CFAP96: variants seen among roughly 807,000 people sequenced by gnomAD.
CFAP96 encodes the protein cilia and flagella associated protein 96, also known as cilia-and flagella-associated protein 96.
the CFAP96 span, among the ~76,000 whole-genome samples, chr4:185,409,280 TA>T: frequency 6.6e-6 from 1 of 152,180 alleles, no homozygotes; most frequent in Middle Eastern, 3.2e-3. Context: ...TAAAGATAAA[TA>T]AATTACTAAT....
chr4:185,436,496 G>T, the CFAP96 span: 1 of 584,512 alleles, frequency 1.7e-6, no homozygotes. Flanking sequence ...CGGATCACGA[G>T]GTCAGGAGTT....
At chr4:185,417,558 C>T in the CFAP96 span, among the ~76,000 whole-genome samples, 1 of 152,202 alleles carries the variant, frequency 6.6e-6, no homozygotes, top group Non-Finnish European at 1.5e-5. Context: ...TTTAGTTAGG[C>T]CTCTTCTAAA....
the CFAP96 span, among the ~76,000 whole-genome samples, chr4:185,443,184 A>G: frequency 6.6e-6 from 1 of 151,338 alleles, no homozygotes; most frequent in Non-Finnish European, 1.5e-5. Flanking sequence ...AATTTTCTCA[A>G]TTCTTACATT....
At chr4:185,411,335 A>G in the CFAP96 span, among the ~76,000 whole-genome samples, 5 of 152,208 alleles carry the variant, frequency 3.3e-5, no homozygotes, top group South Asian at 2.1e-4. Context: ...CCAAATGACC[A>G]AGGAAAGATC....
the CFAP96 span, chr4:185,449,569 T>C: frequency 6.9e-7 from 1 of 1,448,706 alleles, no homozygotes; most frequent in South Asian, 1.3e-5. Context: ...CCTATAAAAT[T>C]AATGTGTGTT....
chr4:185,426,447 C>T, the CFAP96 span: 1 of 152,866 alleles, frequency 6.5e-6, no homozygotes, highest in African/African-American at 2.4e-5. Context: ...TACCTGCCAC[C>T]TCCCAGCCTC....
chr4:185,439,853 AAT>A, the CFAP96 span, among the ~76,000 whole-genome samples: 1 of 148,098 alleles, frequency 6.8e-6, no homozygotes, highest in African/African-American at 2.5e-5. Flanking sequence ...ATACATATAA[AAT>A]GTTTTTTTAA....
chr4:185,411,858 T>C, the CFAP96 span, among the ~76,000 whole-genome samples: 6 of 152,164 alleles, frequency 3.9e-5, no homozygotes, highest in Non-Finnish European at 8.8e-5. Flanking sequence ...AAAAGCAAGC[T>C]GCAGAGACTA....
the CFAP96 span, among the ~76,000 whole-genome samples, chr4:185,439,771 A>G: frequency 1.2e-4 from 18 of 144,332 alleles, no homozygotes; most frequent in Middle Eastern, 4.0e-3. Context: ...ACATATATGT[A>G]TCTATATCTC....
chr4:185,418,344 TATG>T, the CFAP96 span: 3 of 921,618 alleles, frequency 3.3e-6, no homozygotes, highest in Admixed American at 2.9e-5. Flanking sequence ...TATTCTGACC[TATG>T]ATAAGAGGGT....
the CFAP96 span, among the ~76,000 whole-genome samples, chr4:185,449,417 C>T: frequency 4.6e-5 from 7 of 151,614 alleles, no homozygotes; most frequent in East Asian, 1.9e-4. Flanking sequence ...GCTACTTGGG[C>T]GGCCGAGGCA....
At chr4:185,429,051 C>G in the CFAP96 span, among the ~76,000 whole-genome samples, 1 of 152,206 alleles carries the variant, frequency 6.6e-6, no homozygotes. Context: ...ATAATTTTAT[C>G]ATTTCCAACA....
chr4:185,445,337 G>A, the CFAP96 span: 1 of 725,682 alleles, frequency 1.4e-6, no homozygotes, highest in Non-Finnish European at 2.2e-6. Flanking sequence ...AGCTGAGAAA[G>A]CTTAAGTTAT....
At chr4:185,432,163 A>G in the CFAP96 span, 1 of 1,551,850 alleles carries the variant, frequency 6.4e-7, no homozygotes, top group Non-Finnish European at 8.7e-7. Context: ...AAAAAAATCT[A>G]GGCAAAGCAT....
At chr4:185,443,342 A>ATATATATATATATTTT in the CFAP96 span, among the ~76,000 whole-genome samples, 82 of 26,710 alleles carry the variant, frequency 3.1e-3, no homozygotes, top group Non-Finnish European at 4.3e-3. Context: ...ATATATATAT[A>ATATATATATATATTTT]TTTTTTTTTT....
the CFAP96 span, among the ~76,000 whole-genome samples, chr4:185,409,551 C>A: frequency 6.6e-6 from 1 of 152,032 alleles, no homozygotes; most frequent in Non-Finnish European, 1.5e-5. Context: ...TAGAACCAAC[C>A]CTCACCCAAC....
At chr4:185,447,242 C>T in the CFAP96 span, among the ~76,000 whole-genome samples, 2 of 151,240 alleles carry the variant, frequency 1.3e-5, no homozygotes, top group East Asian at 1.9e-4. Context: ...AATGCAGTGG[C>T]ACGATCTCGG....
the CFAP96 span, chr4:185,418,884 T>A: frequency 1.3e-6 from 1 of 797,838 alleles, no homozygotes; most frequent in Non-Finnish European, 1.8e-6. Flanking sequence ...ATTCCCCATA[T>A]TCAATAATAA....
At chr4:185,442,884 G>C in the CFAP96 span, among the ~76,000 whole-genome samples, 1 of 152,070 alleles carries the variant, frequency 6.6e-6, no homozygotes, top group Non-Finnish European at 1.5e-5. Flanking sequence ...ACTTGGCTGT[G>C]TTGTATTAAT....
Sources: gnomAD v4.1 joint callset for allele counts (sites outside exome capture counted in the v4.1 genomes callset) on GRCh38, gnomAD v4.1.1 for gene constraint, MANE v1.5 for transcripts, NCBI Gene and HGNC (gene_info 2026-07-23, HGNC 2026-07-21) for gene names.